Variants in TENM2 observed in about 807,000 individuals in gnomAD.
TENM2 encodes teneurin-2.
TENM2 carries 52 observed loss-of-function variants against 245.2 expected under a neutral mutation model. The ratio of observed to expected loss-of-function variants is 0.21; its 90% confidence interval spans 0.17 to 0.27. The LOEUF (loss-of-function observed/expected upper bound fraction) is 0.27, where lower values mean the gene tolerates loss of function less well. Ranked by LOEUF, TENM2 falls within the 10% of genes least tolerant of loss-of-function variation. TENM2 has a pLI of 1.00. For missense variants in TENM2, 3,046 were observed against 3,666.8 expected, an observed-to-expected ratio of 0.83 and a Z score of 4.37; for synonymous variants, 1,363 against 1,438.9, an observed-to-expected ratio of 0.95 and a Z score of 1.19.
intron 5 of TENM2, among the ~76,000 whole-genome samples, chr5:168,042,236 C>T (rs1788252653): frequency 6.6e-6 from 1 of 152,080 alleles, no homozygotes; most frequent in African/African-American, 2.4e-5. Context: ...TCTGCTTGGC[C>T]TGCAGTCTTC....
intron 2 of TENM2, among the ~76,000 whole-genome samples, chr5:167,477,302 A>G (rs548598211): frequency 6.0e-5 from 9 of 150,266 alleles, no homozygotes; most frequent in African/African-American, 2.0e-4. Flanking sequence ...TAGTAAAACA[A>G]TTTTCTGCTA....
intron 2 of TENM2, among the ~76,000 whole-genome samples, chr5:167,673,024 C>G (rs1432100779): frequency 6.6e-6 from 1 of 151,844 alleles, no homozygotes; most frequent in Non-Finnish European, 1.5e-5. Flanking sequence ...CAAAACACAC[C>G]CAGAATTCCA....
At chr5:167,337,263 T>C (rs1267699909) in intron 1 of TENM2, among the ~76,000 whole-genome samples, 2 of 152,002 alleles carry the variant, frequency 1.3e-5, no homozygotes, top group Non-Finnish European at 2.9e-5. Context: ...CAAGCAAGTT[T>C]ACAATTTGTT....
At chr5:167,856,066 A>G (rs1771071257) in intron 2 of TENM2, among the ~76,000 whole-genome samples, 1 of 152,194 alleles carries the variant, frequency 6.6e-6, no homozygotes, top group Non-Finnish European at 1.5e-5. Context: ...CCACACAGTC[A>G]CTTATTTCGA....
At chr5:168,002,375 A>G (rs2152045474) in intron 5 of TENM2, among the ~76,000 whole-genome samples, 1 of 152,360 alleles carries the variant, frequency 6.6e-6, no homozygotes, top group Middle Eastern at 3.4e-3. Flanking sequence ...CAGTTTGCTT[A>G]CTTATATTAC....
chr5:167,722,386 TGATA>T (rs551968924), intron 2 of TENM2, among the ~76,000 whole-genome samples: 28 of 152,194 alleles, frequency 1.8e-4, no homozygotes, highest in African/African-American at 4.3e-4. Context: ...GTAGATAGAT[TGATA>T]GATAGATAAA....
chr5:166,985,947 G>A, the TENM2 span, among the ~76,000 whole-genome samples: 118 of 152,162 alleles, frequency 7.8e-4, no homozygotes, highest in Non-Finnish European at 1.3e-3. Context: ...AAGAAATGAA[G>A]GTGGTCTGTA....
chr5:168,102,352 C>T (rs906619319), intron 9 of TENM2, among the ~76,000 whole-genome samples: 4 of 152,162 alleles, frequency 2.6e-5, no homozygotes, highest in Non-Finnish European at 5.9e-5. Context: ...GGATTACAGG[C>T]GTGAGCCACC....
chr5:167,256,956 G>A, the TENM2 span, among the ~76,000 whole-genome samples: 1 of 152,066 alleles, frequency 6.6e-6, no homozygotes, highest in Non-Finnish European at 1.5e-5. Flanking sequence ...TTTGCTGAAT[G>A]TTGTGAGATG....
intron 1 of TENM2, among the ~76,000 whole-genome samples, chr5:167,356,459 C>T (rs1759341585): frequency 6.6e-6 from 1 of 152,070 alleles, no homozygotes; most frequent in African/African-American, 2.4e-5. Context: ...AGCAGAGTCA[C>T]TGGATTCTGG....
chr5:167,435,972 TTTC>T (rs1469363342), intron 2 of TENM2, among the ~76,000 whole-genome samples: 11,575 of 129,030 alleles, frequency 0.09, 506 homozygotes, highest in Non-Finnish European at 0.11. Flanking sequence ...TTTCTTTTTT[TTTC>T]TTTTTTTTTT....
intron 2 of TENM2, among the ~76,000 whole-genome samples, chr5:167,858,154 A>G (rs1268159315): frequency 6.6e-6 from 1 of 152,250 alleles, no homozygotes; most frequent in African/African-American, 2.4e-5. Context: ...CAGCAGGTCA[A>G]CCTGAGCCCC....
At chr5:167,894,989 GGAGGGAAGGAAGGAA>G (rs1561906916) in intron 3 of TENM2, among the ~76,000 whole-genome samples, 1 of 137,766 alleles carries the variant, frequency 7.3e-6, no homozygotes, top group Non-Finnish European at 1.6e-5. Context: ...AAGGAAGGAA[GGAGGGAAGGAAGGAA>G]GGAAGGGAGG....
chr5:167,603,570 A>T (rs147504305), intron 2 of TENM2, among the ~76,000 whole-genome samples: 187 of 152,274 alleles, frequency 1.2e-3, no homozygotes, highest in South Asian at 2.3e-3. Flanking sequence ...GGGCTCAGCT[A>T]CTCAGAAGGC....
At chr5:167,774,932 G>C (rs1763661130) in intron 2 of TENM2, among the ~76,000 whole-genome samples, 1 of 152,246 alleles carries the variant, frequency 6.6e-6, no homozygotes, top group Middle Eastern at 3.4e-3. Context: ...AGTTGTCCAA[G>C]GTATGCACTG....
At chr5:167,240,141 A>G in the TENM2 span, among the ~76,000 whole-genome samples, 8 of 151,952 alleles carry the variant, frequency 5.3e-5, no homozygotes, top group African/African-American at 1.7e-4. Flanking sequence ...ATAAGCTTGT[A>G]TTTTCTGATA....
the TENM2 span, among the ~76,000 whole-genome samples, chr5:167,045,687 A>G: frequency 6.6e-6 from 1 of 152,222 alleles, no homozygotes; most frequent in Non-Finnish European, 1.5e-5. Flanking sequence ...CTTTTTATCC[A>G]GTTTATTCAC....
At chr5:167,038,823 C>A in the TENM2 span, among the ~76,000 whole-genome samples, 9 of 152,164 alleles carry the variant, frequency 5.9e-5, no homozygotes. Context: ...AGCTTGGAAT[C>A]TCCTTGGACT....
intron 14 of TENM2, 127 bp downstream of exon 16, chr5:168,190,674 C>T: frequency 1.4e-6 from 1 of 726,790 alleles, no homozygotes; most frequent in East Asian, 2.7e-5. Context: ...AGGCAGCTCC[C>T]TCCAAGGGGG....
Sources: gnomAD v4.1 joint callset for allele counts (sites outside exome capture counted in the v4.1 genomes callset) on GRCh38, gnomAD v4.1.1 for gene constraint, MANE v1.5 for transcripts, NCBI Gene and HGNC (gene_info 2026-07-23, HGNC 2026-07-21) for gene names.